The following DNAAF9 variants were observed in gnomAD, a reference collection of about 807,000 sequenced individuals.
DNAAF9 encodes the protein shulin.
In DNAAF9, 90 loss-of-function variants were observed where a neutral mutation model predicts 167.0. The observed-to-expected ratio is 0.54, with a 90% CI of 0.45 to 0.64. DNAAF9 has a LOEUF of 0.64. Among genes scored for constraint, DNAAF9 ranks in the 30% least tolerant of loss-of-function variants. The probability of loss-of-function intolerance (pLI) is 0.00; values close to 1 mark genes in which losing one functional copy is unlikely to be tolerated. For missense variants in DNAAF9, 1,315 were observed against 1,442.2 expected, an observed-to-expected ratio of 0.91 and a Z score of 1.43; for synonymous variants, 491 against 508.8, an observed-to-expected ratio of 0.96 and a Z score of 0.47.
At chr20:3,407,300 G>A (rs1242387792) in intron 1 of DNAAF9, among the ~76,000 whole-genome samples, 175 bp downstream of exon 1, 1 of 152,200 alleles carries the variant, frequency 6.6e-6, no homozygotes, top group Non-Finnish European at 1.5e-5. Flanking sequence ...GGGAGCCATT[G>A]TGGGGCCTCT....
intron 29 of DNAAF9, among the ~76,000 whole-genome samples, chr20:3,278,146 A>G (rs2068703287): frequency 6.6e-6 from 1 of 152,206 alleles, no homozygotes; most frequent in Admixed American, 6.5e-5. Flanking sequence ...GTTGTCAGGT[A>G]GTAGGGCACT....
chr20:3,315,818 A>C lies in DNAAF9; in HGVS notation c.1540-33T>G. The C allele has an allele frequency of 6.4e-7, 1 of 1,565,592 alleles. No individual in the cohort carries two copies. The highest frequency in any genetic ancestry group is 8.8e-7 in the Non-Finnish European group (1 of 1,135,686). The stretch of plus-strand genomic sequence containing the variant: ...CAAAAGGAATGCAGATTTTCAGTCA[A>C]CTACTTCAAGGGAAAACCCTGCTAG... On this transcript the variant is annotated intron_variant, in intron 18 of 36. Transcript: ENST00000252032. The surrounding 1 kb of genome is among the most constrained non-coding windows in gnomAD (Gnocchi z 4.1).
In DNAAF9 at chr20:3,281,859, G is replaced by A. The variant is rs2122863277; in HGVS notation, c.2487-93C>T. On this transcript the variant is annotated intron_variant, in intron 27 of 36. Coordinates refer to ENST00000252032, the MANE Select transcript of DNAAF9 (RefSeq NM_001009984.3). ...CCCGAATGGCTGATTGAACAAGGAT[G>A]GAAAGAAAACCAAAAGGAAGAGCCC... The A allele has an allele frequency of 3.7e-6, 5 of 1,364,912 alleles. No individual in the cohort carries two copies. In the South Asian group the frequency reaches 5.2e-5, roughly 14 times the overall value. 84.6% of individuals were successfully genotyped at this position (1,364,912 alleles called of 1,614,324 possible).
intron 10 of DNAAF9, among the ~76,000 whole-genome samples, chr20:3,339,457 GT>G (rs1455889559): frequency 6.6e-6 from 1 of 152,184 alleles, no homozygotes; most frequent in Non-Finnish European, 1.5e-5. Context: ...TCTGTTTAAT[GT>G]TTTCTGAAGC....
At chr20:3,269,559 T>C (rs1239452002) in intron 30 of DNAAF9, among the ~76,000 whole-genome samples, 2 of 152,164 alleles carry the variant, frequency 1.3e-5, no homozygotes, top group Non-Finnish European at 2.9e-5. Context: ...GTTAAGAGAA[T>C]CTTGGCTACC....
chr20:3,368,574 A>G (rs1193189773), intron 6 of DNAAF9, among the ~76,000 whole-genome samples: 4 of 145,338 alleles, frequency 2.8e-5, no homozygotes, highest in Admixed American at 1.4e-4. Flanking sequence ...GTGCAGTGGC[A>G]TGATCTCAGC....
At chr20:3,292,380 C>T (rs113924557) in intron 25 of DNAAF9, among the ~76,000 whole-genome samples, 6,299 of 152,288 alleles carry the variant, frequency 0.041, 193 homozygotes, top group African/African-American at 0.084. Flanking sequence ...GAAAAAATGA[C>T]GTTTCTCATT....
intron 7 of DNAAF9, among the ~76,000 whole-genome samples, chr20:3,351,993 A>G (rs868766325): frequency 6.6e-5 from 10 of 152,064 alleles, no homozygotes; most frequent in African/African-American, 2.2e-4. Flanking sequence ...TCCTGACCTC[A>G]AGTGATCTGT....
At chr20:3,314,945 G>T in intron 20 of DNAAF9, 88 bp downstream of exon 20, 1 of 743,960 alleles carries the variant, frequency 1.3e-6, no homozygotes, top group Non-Finnish European at 2.4e-6. Flanking sequence ...TCAAATAGAA[G>T]ATGTATTATT....
chr20:3,306,660 GT>G (rs1038071994), intron 20 of DNAAF9, among the ~76,000 whole-genome samples: 3 of 151,916 alleles, frequency 2.0e-5, no homozygotes, highest in Non-Finnish European at 4.4e-5. Flanking sequence ...GTTCTCTCAT[GT>G]TTTTTTTCTT....
chr20:3,255,142 G>A (rs1421078111), intron 35 of DNAAF9, 77 bp downstream of exon 35: 1 of 863,496 alleles, frequency 1.2e-6, no homozygotes, highest in African/African-American at 1.7e-5. Flanking sequence ...CTCACTCAGA[G>A]AATCCAAAAT....
intron 1 of DNAAF9, among the ~76,000 whole-genome samples, chr20:3,405,994 C>T (rs1179677557): frequency 1.3e-5 from 2 of 152,168 alleles, no homozygotes; most frequent in Admixed American, 6.5e-5. Context: ...ACTGTAAAGC[C>T]CACAAGGAAT....
chr20:3,340,494 A>G lies in DNAAF9; in HGVS notation c.981+10T>C. Reference sequence around the variant, plus strand: ...AAACTAATCAAGCACCAGGCAGTCCAGCCACTTACCATGTGCTTGGCAAAG... The same window carrying G: ...AAACTAATCAAGCACCAGGCAGTCCGGCCACTTACCATGTGCTTGGCAAAG... On this transcript the variant is annotated intron_variant, in intron 10 of 36. Coordinates refer to ENST00000252032, the MANE Select transcript of DNAAF9 (RefSeq NM_001009984.3). 6.9e-7 allele frequency: 1 copy of G among 1,449,906 alleles called. No homozygotes were observed. Among genetic ancestry groups the G allele is most frequent in the South Asian group, 1.1e-5 (1 of 88,364 alleles). 89.8% of individuals were successfully genotyped at this position (1,449,906 alleles called of 1,614,324 possible). A position where few individuals can be genotyped will look rare whatever the true frequency, so the allele number is the denominator to read the frequency against.
At chr20:3,300,084 G>T (rs1377599762) in intron 21 of DNAAF9, among the ~76,000 whole-genome samples, 1 of 152,068 alleles carries the variant, frequency 6.6e-6, no homozygotes, top group Non-Finnish European at 1.5e-5. Context: ...TGTATTATTA[G>T]TAGAAACAGG....
intron 27 of DNAAF9, among the ~76,000 whole-genome samples, chr20:3,286,305 C>T (rs1165594651): frequency 6.6e-6 from 1 of 152,202 alleles, no homozygotes; most frequent in African/African-American, 2.4e-5. Flanking sequence ...CACACTGTCA[C>T]TGTAGTCCAG....
At chr20:3,346,708 G>C (rs1486660788) in intron 8 of DNAAF9, among the ~76,000 whole-genome samples, 1 of 152,138 alleles carries the variant, frequency 6.6e-6, no homozygotes, top group Non-Finnish European at 1.5e-5. Context: ...ACTGTCAATG[G>C]AGTGGGGAAA....
chr20:3,279,690 T>A (rs1033112435), intron 28 of DNAAF9, among the ~76,000 whole-genome samples: 9 of 152,216 alleles, frequency 5.9e-5, no homozygotes, highest in African/African-American at 2.2e-4. Context: ...TCTGTCGTCC[T>A]GTCTGCTCTG....
intron 25 of DNAAF9, among the ~76,000 whole-genome samples, chr20:3,291,153 C>T (rs2068944851): frequency 6.6e-6 from 1 of 152,094 alleles, no homozygotes; most frequent in South Asian, 2.1e-4. Flanking sequence ...AGAAGAGGGG[C>T]CAGGCTGAAC....
At chr20:3,341,080 C>T (rs772546526) in intron 9 of DNAAF9, among the ~76,000 whole-genome samples, 2 of 152,072 alleles carry the variant, frequency 1.3e-5, no homozygotes, top group African/African-American at 4.8e-5. Context: ...GGAAGGAGCA[C>T]AGGAGGGTTG....
Sources: allele counts gnomAD v4.1 joint callset (sites outside exome capture counted in the v4.1 genomes callset), GRCh38; gene constraint gnomAD v4.1.1; non-coding constraint Gnocchi (gnomAD v3.1); transcripts MANE v1.5; gene names NCBI Gene and HGNC (gene_info 2026-07-23, HGNC 2026-07-21).